TTC28: variants seen among roughly 807,000 people sequenced by gnomAD.
TTC28 encodes tetratricopeptide repeat protein 28.
A neutral mutation model predicts 198.0 loss-of-function variants in TTC28; 61 were observed. That is an observed-to-expected ratio of 0.31 (90% CI 0.25 to 0.38). The LOEUF (loss-of-function observed/expected upper bound fraction) is 0.38. TTC28 is among the 10% of genes least tolerant of loss of function. The probability of loss-of-function intolerance (pLI) is 1.00; values close to 1 mark genes in which losing one functional copy is unlikely to be tolerated. For missense variants in TTC28, 2,678 were observed against 3,164.0 expected, an observed-to-expected ratio of 0.85 and a Z score of 3.69; for synonymous variants, 1,171 against 1,297.8, an observed-to-expected ratio of 0.90 and a Z score of 2.10.
chr22:28,444,658 A>G (rs1568947644), intron 2 of TTC28, among the ~76,000 whole-genome samples: 1 of 152,186 alleles, frequency 6.6e-6, no homozygotes, highest in Non-Finnish European at 1.5e-5. Flanking sequence ...TCATTTACTC[A>G]ACCAAGACCA....
intron 2 of TTC28, chr22:28,459,996 A>C (rs529241023): frequency 1.2e-4 from 19 of 152,330 alleles, no homozygotes; most frequent in Middle Eastern, 6.8e-3. Context: ...ATACGTATAC[A>C]CTTAAAAATA....
intron 1 of TTC28, among the ~76,000 whole-genome samples, chr22:28,634,595 T>TG (rs1473627052): frequency 6.6e-6 from 1 of 151,416 alleles, no homozygotes. Flanking sequence ...TTTTTTTCTT[T>TG]TTTTTTTTGA....
intron 14 of TTC28, among the ~76,000 whole-genome samples, chr22:28,003,879 G>T (rs1331433059): frequency 6.6e-6 from 1 of 152,216 alleles, no homozygotes; most frequent in African/African-American, 2.4e-5. Flanking sequence ...ATTGTCAGAA[G>T]TCTCCCAAGC....
chr22:28,018,305 G>A (rs549101892), intron 13 of TTC28, among the ~76,000 whole-genome samples: 4 of 105,624 alleles, frequency 3.8e-5, no homozygotes, highest in East Asian at 2.8e-4. Context: ...GTGTGCGCGC[G>A]CGGGGGGGGG....
At chr22:28,393,621 G>A (rs573445080) in intron 2 of TTC28, among the ~76,000 whole-genome samples, 1 of 152,252 alleles carries the variant, frequency 6.6e-6, no homozygotes, top group South Asian at 2.1e-4. Flanking sequence ...TTGAGCCCAG[G>A]AGGTAAAGGC....
intron 5 of TTC28, among the ~76,000 whole-genome samples, chr22:28,187,936 C>T (rs1924358436): frequency 1.3e-5 from 2 of 152,160 alleles, no homozygotes; most frequent in Non-Finnish European, 2.9e-5. Context: ...AAGCATTCTG[C>T]TTTAAGAAAC....
At chr22:28,439,297 G>A (rs1392882483) in intron 2 of TTC28, among the ~76,000 whole-genome samples, 3 of 152,176 alleles carry the variant, frequency 2.0e-5, no homozygotes, top group African/African-American at 4.8e-5. Context: ...GACTCTAAAT[G>A]CTCCAAGAAT....
At position 28,090,334 on chromosome 22, in the gene TTC28, AT is replaced by A. The variant is rs374503873; in HGVS notation, c.3932+3745del. Among the ~76,000 whole-genome samples, 73 of 151,966 alleles carry A rather than the reference AT, an allele frequency of 4.8e-4. 1 individual carries two copies. The East Asian group carries it at 0.013, about 27-fold the overall frequency. ...ACTATATACAGTAATTCTATATCCT[AT>A]TTTTTTCACTTAATATTTTGTCTAT... On this transcript the variant is annotated intron_variant, in intron 12 of 22. Transcript: ENST00000397906.
At chr22:28,192,179 G>T (rs1039666490) in intron 5 of TTC28, among the ~76,000 whole-genome samples, 9 of 152,166 alleles carry the variant, frequency 5.9e-5, no homozygotes, top group African/African-American at 2.2e-4. Context: ...AGGCAAACAG[G>T]GTCTGGAGTG....
chr22:28,084,267 C>T (rs4036493), intron 12 of TTC28, among the ~76,000 whole-genome samples: 22 of 152,268 alleles, frequency 1.4e-4, no homozygotes, highest in Admixed American at 4.6e-4. Flanking sequence ...ACCCCAGTAG[C>T]GGCGGACTGA....
At chr22:28,027,945 A>G (rs771904074) in intron 13 of TTC28, among the ~76,000 whole-genome samples, 13 of 152,260 alleles carry the variant, frequency 8.5e-5, no homozygotes, top group Non-Finnish European at 1.8e-4. Context: ...GCACTGTTCT[A>G]GCAAGGATAC....
At chr22:28,599,629 A>C (rs2050605638) in intron 2 of TTC28, among the ~76,000 whole-genome samples, 1 of 152,166 alleles carries the variant, frequency 6.6e-6, no homozygotes, top group Non-Finnish European at 1.5e-5. Context: ...ATCTCTACTA[A>C]AAATAATTTT....
At chr22:28,334,459 A>G (rs1406668040) in intron 2 of TTC28, among the ~76,000 whole-genome samples, 3 of 152,114 alleles carry the variant, frequency 2.0e-5, no homozygotes, top group Admixed American at 6.5e-5. Flanking sequence ...CTAGTTTACA[A>G]TCCCACCAAC....
intron 5 of TTC28, among the ~76,000 whole-genome samples, chr22:28,277,047 A>T (rs1042839780): frequency 4.6e-5 from 7 of 152,174 alleles, no homozygotes; most frequent in Non-Finnish European, 8.8e-5. Flanking sequence ...AAAATTAATT[A>T]ATTAGTGAAG....
At chr22:28,557,276 G>A (rs1301297246) in intron 2 of TTC28, among the ~76,000 whole-genome samples, 1 of 151,972 alleles carries the variant, frequency 6.6e-6, no homozygotes, top group African/African-American at 2.4e-5. Context: ...TTCTTGTCTT[G>A]CTTTCTGGGA....
intron 13 of TTC28, among the ~76,000 whole-genome samples, chr22:28,022,717 T>C (rs1938661602): frequency 6.6e-6 from 1 of 152,250 alleles, no homozygotes; most frequent in South Asian, 2.1e-4. Flanking sequence ...GAGCTGCATC[T>C]TCTGAGGTAG....
chr22:28,522,102 T>A (rs2048919709), intron 2 of TTC28, among the ~76,000 whole-genome samples: 1 of 152,092 alleles, frequency 6.6e-6, no homozygotes, highest in Non-Finnish European at 1.5e-5. Flanking sequence ...GACAGACAAC[T>A]ATGAGCAAAA....
chr22:28,074,783 A>G (rs1256812109), intron 12 of TTC28, among the ~76,000 whole-genome samples: 5 of 152,196 alleles, frequency 3.3e-5, no homozygotes, highest in Non-Finnish European at 7.3e-5. Context: ...CACACCTAGC[A>G]ATTTCAAGAG....
At chr22:28,507,281 A>G (rs1205659562) in intron 2 of TTC28, among the ~76,000 whole-genome samples, 1 of 152,246 alleles carries the variant, frequency 6.6e-6, no homozygotes, top group Non-Finnish European at 1.5e-5. Context: ...AAGTAACAAC[A>G]GCAGAATAGA....
Sources: allele counts gnomAD v4.1 joint callset (sites outside exome capture counted in the v4.1 genomes callset), GRCh38; gene constraint gnomAD v4.1.1; transcripts MANE v1.5; gene names NCBI Gene and HGNC (gene_info 2026-07-23, HGNC 2026-07-21).